PRR5L: variants seen among roughly 807,000 people sequenced by gnomAD.
PRR5L encodes proline-rich protein 5-like.
Under a neutral mutation model 36.4 loss-of-function variants are expected in PRR5L, and 21 were observed. The observed-to-expected ratio is 0.58, with a 90% CI of 0.41 to 0.83. The LOEUF is 0.83. Among genes scored for constraint, PRR5L ranks in the 40% least tolerant of loss-of-function variants. The probability of loss-of-function intolerance (pLI) is 0.00; values close to 1 mark genes in which losing one functional copy is unlikely to be tolerated. For missense variants in PRR5L, 381 were observed against 473.3 expected, an observed-to-expected ratio of 0.80 and a Z score of 1.81; for synonymous variants, 188 against 197.0, an observed-to-expected ratio of 0.95 and a Z score of 0.38.
intron 7 of PRR5L, among the ~76,000 whole-genome samples, chr11:36,448,692 T>C (rs1460311014): frequency 6.6e-6 from 1 of 152,188 alleles, no homozygotes; most frequent in Non-Finnish European, 1.5e-5. Context: ...GTGACCGTCA[T>C]GTAGGGCTTC....
At chr11:36,309,869 A>G (rs1422225120) in intron 1 of PRR5L, among the ~76,000 whole-genome samples, 1 of 118,860 alleles carries the variant, frequency 8.4e-6, no homozygotes, top group African/African-American at 3.1e-5. Context: ...CAGTTCTATG[A>G]TGTCTCAAAG....
chr11:36,346,496 T>C (rs1052570013), intron 1 of PRR5L, among the ~76,000 whole-genome samples: 3 of 151,804 alleles, frequency 2.0e-5, no homozygotes, highest in East Asian at 1.9e-4. Context: ...GGCAGGAGAA[T>C]GGCGTGAACC....
intron 1 of PRR5L, among the ~76,000 whole-genome samples, chr11:36,356,925 C>T (rs901008897): frequency 2.6e-5 from 4 of 152,104 alleles, no homozygotes; most frequent in African/African-American, 9.7e-5. Context: ...AAGTCAAAAT[C>T]TAGAAGTGAT....
chr11:36,442,883 C>A (rs1858751704), intron 6 of PRR5L, among the ~76,000 whole-genome samples: 2 of 152,048 alleles, frequency 1.3e-5, no homozygotes, highest in African/African-American at 4.8e-5. Context: ...AGGTCCAAAC[C>A]TTCCCTTGTC....
intron 1 of PRR5L, among the ~76,000 whole-genome samples, chr11:36,363,021 G>C (rs7121275): frequency 0.12 from 17,958 of 152,196 alleles, 1,092 homozygotes; most frequent in Non-Finnish European, 0.13. Flanking sequence ...CGTGCACCCA[G>C]GTTCACATGG....
At chr11:36,444,481 G>A (rs891430993) in intron 6 of PRR5L, among the ~76,000 whole-genome samples, 1 of 152,142 alleles carries the variant, frequency 6.6e-6, no homozygotes, top group Non-Finnish European at 1.5e-5. Context: ...GCCTTTAAAT[G>A]TTTTATAATA....
intron 5 of PRR5L, among the ~76,000 whole-genome samples, chr11:36,432,163 G>T (rs75554357): frequency 0.023 from 179 of 7,952 alleles, 1 homozygote; most frequent in African/African-American, 0.038. Flanking sequence ...GTTTTTTTTT[G>T]TTTTGTTTTT....
chr11:36,339,923 C>T (rs941896046), intron 1 of PRR5L, among the ~76,000 whole-genome samples: 4 of 152,238 alleles, frequency 2.6e-5, no homozygotes, highest in Non-Finnish European at 5.9e-5. Flanking sequence ...GCTGCCAGCC[C>T]TCTGTCCCTC....
chr11:36,327,905 A>G (rs1291707775), intron 1 of PRR5L, among the ~76,000 whole-genome samples: 2 of 152,184 alleles, frequency 1.3e-5, no homozygotes, highest in Non-Finnish European at 2.9e-5. Flanking sequence ...TACACCTTAC[A>G]CTTACTGATT....
At chr11:36,348,172 C>T (rs926325220) in intron 1 of PRR5L, among the ~76,000 whole-genome samples, 1 of 152,132 alleles carries the variant, frequency 6.6e-6, no homozygotes, top group Non-Finnish European at 1.5e-5. Flanking sequence ...CTGTGTTTGA[C>T]ATGCTGGTCC....
At chr11:36,334,906 C>T (rs535809396) in intron 1 of PRR5L, among the ~76,000 whole-genome samples, 1 of 123,918 alleles carries the variant, frequency 8.1e-6, no homozygotes, top group Admixed American at 7.3e-5. Context: ...TAATTTTGTA[C>T]TTCCACTGAG....
chr11:36,357,103 A>G (rs1857035749), intron 1 of PRR5L, among the ~76,000 whole-genome samples: 1 of 152,218 alleles, frequency 6.6e-6, no homozygotes, highest in South Asian at 2.1e-4. Context: ...ATTGATATGG[A>G]GAAAATGTTA....
At chr11:36,452,017 A>ATAATG (rs71310111) in intron 8 of PRR5L, among the ~76,000 whole-genome samples, 1 of 151,908 alleles carries the variant, frequency 6.6e-6, no homozygotes, top group Non-Finnish European at 1.5e-5. Context: ...TCTCTATAAT[A>ATAATG]CAAAATAGCT....
chr11:36,408,474 G>A lies in PRR5L; in HGVS notation c.245+5096G>A, dbSNP rs183718731. On this transcript the variant is annotated intron_variant, in intron 3 of 8. Transcript: ENST00000530639. ...AAGAAAATGACCTTTCAGAATAGAC[G>A]TATTCTAGCTAAATCCCCAGGCATC... Among the ~76,000 whole-genome samples the A allele has an allele frequency of 2.3e-4, 35 of 152,292 alleles. No individual in the cohort carries two copies. In the East Asian group the frequency reaches 5.4e-3, roughly 23 times the overall value.
In PRR5L at chr11:36,462,815, G is replaced by T. The variant is rs1859220990; in HGVS notation, c.*79G>T. On this transcript the variant is annotated 3_prime_UTR_variant, in exon 9 of 9. Coordinates refer to ENST00000530639, the MANE Select transcript of PRR5L (RefSeq NM_001160167.2). ...CTCCATCTCCGTGGATTACTGAGGG[G>T]GGCTCTTGCTTTATGCGATGCTGCC... 1.5e-6 allele frequency: 2 copies of T among 1,354,462 alleles called. No homozygotes were observed. The highest frequency in any genetic ancestry group is 2.0e-6 in the Non-Finnish European group (2 of 1,005,290). 83.9% of individuals were successfully genotyped at this position (1,354,462 alleles called of 1,614,324 possible).
At chr11:36,429,769 G>A (rs1858455493) in intron 4 of PRR5L, among the ~76,000 whole-genome samples, 1 of 152,206 alleles carries the variant, frequency 6.6e-6, no homozygotes, top group Non-Finnish European at 1.5e-5. Context: ...CCAACCAGGT[G>A]GAGACTGCAG....
At chr11:36,346,453 G>C (rs1367017185) in intron 1 of PRR5L, among the ~76,000 whole-genome samples, 1 of 152,082 alleles carries the variant, frequency 6.6e-6, no homozygotes, top group Non-Finnish European at 1.5e-5. Context: ...CGTGGTGGCA[G>C]GAGTCTGTAG....
intron 3 of PRR5L, among the ~76,000 whole-genome samples, chr11:36,409,521 CA>C (rs2133568564): frequency 6.6e-6 from 1 of 152,174 alleles, no homozygotes; most frequent in African/African-American, 2.4e-5. Context: ...GCCTGAAACC[CA>C]AAGGGAAATC....
chr11:36,449,576 T>G (rs983927865), intron 7 of PRR5L, among the ~76,000 whole-genome samples: 1 of 152,158 alleles, frequency 6.6e-6, no homozygotes, highest in Non-Finnish European at 1.5e-5. Context: ...AGACAGGTCC[T>G]GAGACCACCG....
Sources: gnomAD v4.1 joint callset for allele counts (sites outside exome capture counted in the v4.1 genomes callset) on GRCh38, gnomAD v4.1.1 for gene constraint, MANE v1.5 for transcripts, NCBI Gene and HGNC (gene_info 2026-07-23, HGNC 2026-07-21) for gene names.